Variants in EPB41L4A observed in about 807,000 individuals in gnomAD.
EPB41L4A encodes erythrocyte membrane protein band 4.1 like 4A.
A neutral mutation model predicts 108.6 loss-of-function variants in EPB41L4A; 100 were observed. That is an observed-to-expected ratio of 0.92 (90% CI 0.78 to 1.09). EPB41L4A has a LOEUF of 1.09. Among genes scored for constraint, EPB41L4A ranks in the 50% least tolerant of loss-of-function variants. The pLI is 0.00. For synonymous variants in EPB41L4A, 319 were observed against 289.0 expected, an observed-to-expected ratio of 1.10 and a Z score of -1.05; for missense variants, 1,030 against 842.7, an observed-to-expected ratio of 1.22 and a Z score of -2.75.
At chr5:112,392,913 A>G in intron 1 of EPB41L4A, 1 of 152,242 alleles carries the variant, frequency 6.6e-6, no homozygotes, top group East Asian at 1.9e-4. Flanking sequence ...GTGCAATCAA[A>G]TTAGTATTCA....
intron 1 of EPB41L4A, among the ~76,000 whole-genome samples, chr5:112,372,160 T>G (rs1759535031): frequency 6.6e-6 from 1 of 152,254 alleles, no homozygotes; most frequent in African/African-American, 2.4e-5. Flanking sequence ...AAAAGAGATT[T>G]AATTTGCTCA....
At chr5:112,368,720 T>C (rs1001616654) in intron 1 of EPB41L4A, among the ~76,000 whole-genome samples, 9 of 152,192 alleles carry the variant, frequency 5.9e-5, no homozygotes, top group African/African-American at 1.2e-4. Flanking sequence ...TCTGGCATCA[T>C]TGACCTGTCC....
At chr5:112,359,586 G>C (rs1366676007) in intron 1 of EPB41L4A, among the ~76,000 whole-genome samples, 1 of 151,520 alleles carries the variant, frequency 6.6e-6, no homozygotes, top group Non-Finnish European at 1.5e-5. Flanking sequence ...TGTCGCCCAG[G>C]CTAGAGTGCA....
chr5:112,193,155 T>TA (rs1761788965), intron 17 of EPB41L4A, among the ~76,000 whole-genome samples: 1 of 152,346 alleles, frequency 6.6e-6, no homozygotes, highest in South Asian at 2.1e-4. Context: ...TGTCCACTCT[T>TA]ACAATGCTGT....
chr5:112,296,427 G>T (rs1038558565), intron 2 of EPB41L4A, among the ~76,000 whole-genome samples: 2 of 151,854 alleles, frequency 1.3e-5, no homozygotes, highest in African/African-American at 2.4e-5. Context: ...TGAATTCATT[G>T]CTTTCAACTA....
chr5:112,394,902 G>A (rs1446073682), intron 1 of EPB41L4A, among the ~76,000 whole-genome samples: 1 of 152,176 alleles, frequency 6.6e-6, no homozygotes, highest in Non-Finnish European at 1.5e-5. Flanking sequence ...CAGAGATATA[G>A]ACCAATGGAA....
At chr5:112,369,617 A>G (rs889561471) in intron 1 of EPB41L4A, among the ~76,000 whole-genome samples, 2 of 152,216 alleles carry the variant, frequency 1.3e-5, no homozygotes, top group African/African-American at 2.4e-5. Flanking sequence ...GAATATTTAT[A>G]AAACTCTTAA....
At chr5:112,162,570 A>G (rs545465472), downstream of EPB41L4A, 1 of 152,356 alleles carries the variant, frequency 6.6e-6, no homozygotes, top group East Asian at 1.9e-4. Context: ...TTGTACATTT[A>G]ATGTTGCCAT....
intron 1 of EPB41L4A, among the ~76,000 whole-genome samples, chr5:112,362,490 A>T (rs1027666569): frequency 6.6e-6 from 1 of 152,084 alleles, no homozygotes; most frequent in Non-Finnish European, 1.5e-5. Context: ...CATGTTGCCC[A>T]GGCTGGTCTC....
intron 4 of EPB41L4A, among the ~76,000 whole-genome samples, chr5:112,267,379 T>A (rs1751937029): frequency 6.6e-6 from 1 of 152,190 alleles, no homozygotes; most frequent in Non-Finnish European, 1.5e-5. Context: ...AAGCACTTAG[T>A]GAGGAAATGT....
downstream of EPB41L4A, chr5:112,160,917 G>A (rs896100187): frequency 1.3e-5 from 2 of 156,340 alleles, no homozygotes; most frequent in African/African-American, 4.8e-5. Context: ...GGTCCTCTGG[G>A]ATGGCGCCTG....
intron 17 of EPB41L4A, among the ~76,000 whole-genome samples, chr5:112,193,145 T>A (rs1366141207): frequency 6.6e-6 from 1 of 152,200 alleles, no homozygotes. Context: ...CCTAAAAAAA[T>A]GTCCACTCTT....
At chr5:112,173,162 C>T (rs1276771457) in intron 18 of EPB41L4A, among the ~76,000 whole-genome samples, 1 of 152,150 alleles carries the variant, frequency 6.6e-6, no homozygotes, top group African/African-American at 2.4e-5. Context: ...TAGAATAGTG[C>T]TGGAGAGAGT....
chr5:112,161,201 G>T, downstream of EPB41L4A: 1 of 265,328 alleles, frequency 3.8e-6, no homozygotes, highest in Non-Finnish European at 7.6e-6. Flanking sequence ...CTTTATGCTT[G>T]CCCTGCCCCC....
chr5:112,358,504 C>T (rs440759), intron 1 of EPB41L4A, among the ~76,000 whole-genome samples: 136,415 of 152,228 alleles, frequency 0.9, 61,192 homozygotes, highest in South Asian at 0.96. Context: ...CTTGCAATCA[C>T]AGAAAAAGGA....
At chr5:112,280,360 T>C (rs1752890634) in intron 2 of EPB41L4A, 37 bp from the exon 3 acceptor site, 2 of 1,568,542 alleles carry the variant, frequency 1.3e-6, no homozygotes, top group Admixed American at 1.7e-5. Flanking sequence ...AAGAAATTAG[T>C]TGCTTTTCAT....
chr5:112,264,601 C>A (rs1474074489), intron 6 of EPB41L4A: 5 of 207,290 alleles, frequency 2.4e-5, no homozygotes, highest in Non-Finnish European at 3.8e-5. Flanking sequence ...AATACATGAA[C>A]CTATGTATGA....
intron 13 of EPB41L4A, among the ~76,000 whole-genome samples, chr5:112,145,091 A>G (rs997214228): frequency 6.6e-6 from 1 of 152,170 alleles, no homozygotes; most frequent in African/African-American, 2.4e-5. Flanking sequence ...GGAGTTTGAG[A>G]CCAGCCTGGC....
At chr5:112,150,117 C>T (rs577155485) in intron 12 of EPB41L4A, among the ~76,000 whole-genome samples, 1 of 152,212 alleles carries the variant, frequency 6.6e-6, no homozygotes, top group South Asian at 2.1e-4. Context: ...AGCCCTCCCT[C>T]ATGTAGGATG....
Sources: gnomAD v4.1 joint callset for allele counts (sites outside exome capture counted in the v4.1 genomes callset) on GRCh38, gnomAD v4.1.1 for gene constraint, MANE v1.5 for transcripts, NCBI Gene and HGNC (gene_info 2026-07-23, HGNC 2026-07-21) for gene names.